SNTG1: variants seen among roughly 807,000 people sequenced by gnomAD.
SNTG1 encodes the protein syntrophin gamma 1, also known as gamma-1-syntrophin.
A neutral mutation model predicts 74.7 loss-of-function variants in SNTG1; 39 were observed. That is an observed-to-expected ratio of 0.52 (90% CI 0.40 to 0.68). The LOEUF is 0.68. Ranked by LOEUF, SNTG1 falls within the 30% of genes least tolerant of loss-of-function variation. SNTG1 has a pLI of 0.00. For missense variants in SNTG1, 685 were observed against 609.5 expected (o/e 1.12, Z -1.30); for synonymous variants, 254 against 217.1 (o/e 1.17, Z -1.49).
chr8:50,208,036 T>C (rs892082886), intron 2 of SNTG1, among the ~76,000 whole-genome samples: 1 of 152,228 alleles, frequency 6.6e-6, no homozygotes, highest in Non-Finnish European at 1.5e-5. Context: ...GAAGAATGTA[T>C]ATTCTATTGG....
chr8:50,644,742 C>T (rs1313736727), intron 13 of SNTG1, among the ~76,000 whole-genome samples: 1 of 152,132 alleles, frequency 6.6e-6, no homozygotes, highest in Non-Finnish European at 1.5e-5. Flanking sequence ...TACATGTACC[C>T]TCCCTTGATT....
intron 1 of SNTG1, among the ~76,000 whole-genome samples, chr8:50,099,301 T>A (rs1463317278): frequency 6.6e-6 from 1 of 152,134 alleles, no homozygotes; most frequent in Non-Finnish European, 1.5e-5. Context: ...TTTTACATAG[T>A]GTCTGTGGCT....
At chr8:50,522,473 A>T (rs947662484) in intron 9 of SNTG1, among the ~76,000 whole-genome samples, 8 of 152,112 alleles carry the variant, frequency 5.3e-5, no homozygotes, top group African/African-American at 1.9e-4. Context: ...TCCTTGCCCT[A>T]GGATTTCAGA....
chr8:50,423,223 C>T (rs767802133), intron 4 of SNTG1, among the ~76,000 whole-genome samples: 61 of 152,160 alleles, frequency 4.0e-4, no homozygotes, highest in Admixed American at 1.6e-3. Context: ...AATCTTCAAA[C>T]ACTTCACTAG....
intron 12 of SNTG1, among the ~76,000 whole-genome samples, chr8:50,577,604 C>T (rs2094584543): frequency 6.6e-6 from 1 of 151,642 alleles, no homozygotes; most frequent in Non-Finnish European, 1.5e-5. Context: ...AATGTTTATA[C>T]ATTGAGATTT....
chr8:50,436,776 G>A (rs2093307970), intron 4 of SNTG1, among the ~76,000 whole-genome samples: 1 of 151,984 alleles, frequency 6.6e-6, no homozygotes, highest in South Asian at 2.1e-4. Flanking sequence ...TCAATAAAAA[G>A]ACATTTCTAA....
chr8:50,038,048 T>G (rs1192413085), intron 1 of SNTG1, among the ~76,000 whole-genome samples: 1 of 152,146 alleles, frequency 6.6e-6, no homozygotes, highest in African/African-American at 2.4e-5. Flanking sequence ...ACGATACGCT[T>G]TCCTAAGACT....
intron 2 of SNTG1, among the ~76,000 whole-genome samples, chr8:50,195,926 A>G (rs2083752205): frequency 1.3e-5 from 2 of 152,156 alleles, no homozygotes; most frequent in South Asian, 4.1e-4. Flanking sequence ...AATTGCAACT[A>G]GTCCTGCCTC....
intron 18 of SNTG1, among the ~76,000 whole-genome samples, chr8:50,790,466 T>C (rs2131867024): frequency 6.6e-6 from 1 of 152,024 alleles, no homozygotes; most frequent in South Asian, 2.1e-4. Context: ...TGTCGGTGGA[T>C]GGATAGATAG....
intron 2 of SNTG1, among the ~76,000 whole-genome samples, chr8:50,384,189 G>T (rs1309381964): frequency 1.3e-5 from 2 of 152,138 alleles, no homozygotes; most frequent in Non-Finnish European, 2.9e-5. Flanking sequence ...CCTGGCTGAT[G>T]CCATAACTGT....
intron 13 of SNTG1, chr8:50,644,561 A>G (rs150205872): frequency 2.6e-5 from 4 of 152,306 alleles, no homozygotes; most frequent in Non-Finnish European, 4.4e-5. Flanking sequence ...ATGTGTGTGA[A>G]TCTCCTGCTT....
intron 13 of SNTG1, among the ~76,000 whole-genome samples, chr8:50,596,807 A>G (rs1256164495): frequency 6.6e-6 from 1 of 152,102 alleles, no homozygotes; most frequent in African/African-American, 2.4e-5. Flanking sequence ...ATAATTGTAC[A>G]CATGTTTGGG....
intron 1 of SNTG1, among the ~76,000 whole-genome samples, chr8:49,946,877 C>A (rs1554527428): frequency 6.6e-6 from 1 of 152,126 alleles, no homozygotes; most frequent in Non-Finnish European, 1.5e-5. Context: ...GTTCTTTCTT[C>A]TTAAAATTAA....
intron 1 of SNTG1, among the ~76,000 whole-genome samples, chr8:50,151,256 T>C (rs2082058605): frequency 6.6e-6 from 1 of 152,216 alleles, no homozygotes; most frequent in South Asian, 2.1e-4. Flanking sequence ...TTGGTGGTGA[T>C]ATCCCCTTTA....
intron 8 of SNTG1, among the ~76,000 whole-genome samples, chr8:50,456,107 A>G (rs371041900): frequency 5.9e-5 from 9 of 152,294 alleles, no homozygotes; most frequent in African/African-American, 1.7e-4. Context: ...TTTCATACTT[A>G]GCTTTGCATT....
intron 2 of SNTG1, among the ~76,000 whole-genome samples, chr8:50,194,801 T>C (rs2083703173): frequency 6.6e-6 from 1 of 152,094 alleles, no homozygotes; most frequent in Admixed American, 6.6e-5. Flanking sequence ...ATGTAGGCAC[T>C]TAGGGCTATG....
intron 13 of SNTG1, among the ~76,000 whole-genome samples, chr8:50,618,292 A>G (rs1242639853): frequency 6.6e-6 from 1 of 152,142 alleles, no homozygotes; most frequent in African/African-American, 2.4e-5. Flanking sequence ...TGTGTATTTC[A>G]TTTTCACCAA....
In SNTG1 at chr8:50,311,350, T is replaced by C. The variant is rs539848967; in HGVS notation, c.-27-82862T>C. Among the ~76,000 whole-genome samples the C allele has an allele frequency of 8.5e-5, 13 of 152,282 alleles. No individual in the cohort carries two copies. In the South Asian group the frequency reaches 2.5e-3, roughly 29 times the overall value. ...GGTTATGTTCCGTTGTAGACAGCAA[T>C]ATGTGTGCTGATCAACCACCAACTT... On this transcript the variant is annotated intron_variant, in intron 2 of 18. Transcript: ENST00000642720.
intron 1 of SNTG1, among the ~76,000 whole-genome samples, chr8:50,155,734 C>G (rs2082232602): frequency 6.6e-6 from 1 of 151,818 alleles, no homozygotes; most frequent in Non-Finnish European, 1.5e-5. Flanking sequence ...AAAAACATCA[C>G]CTTTCACTCT....
Sources: gnomAD v4.1 joint callset for allele counts (sites outside exome capture counted in the v4.1 genomes callset) on GRCh38, gnomAD v4.1.1 for gene constraint, MANE v1.5 for transcripts, NCBI Gene and HGNC (gene_info 2026-07-23, HGNC 2026-07-21) for gene names.